TMEM108: variants seen among roughly 807,000 people sequenced by gnomAD.
TMEM108 encodes the protein cancer/testis antigen 124.
In TMEM108, 12 loss-of-function variants were observed where a neutral mutation model predicts 35.1. The observed-to-expected ratio is 0.34, with a 90% confidence interval of 0.22 to 0.55. The LOEUF (loss-of-function observed/expected upper bound fraction) is 0.55. Among genes scored for constraint, TMEM108 ranks in the 20% least tolerant of loss-of-function variants. TMEM108 has a pLI of 0.89. For synonymous variants in TMEM108, 287 were observed against 308.6 expected (o/e 0.93, Z 0.73); for missense variants, 680 against 753.3 (o/e 0.90, Z 1.14).
intron 3 of TMEM108, among the ~76,000 whole-genome samples, chr3:133,342,354 A>G (rs2071681519): frequency 6.6e-6 from 1 of 150,822 alleles, no homozygotes; most frequent in South Asian, 2.1e-4. Flanking sequence ...AAAAATAACT[A>G]AAAGAGTATA....
intron 3 of TMEM108, among the ~76,000 whole-genome samples, chr3:133,308,122 A>G (rs532849892): frequency 6.6e-6 from 1 of 152,220 alleles, no homozygotes; most frequent in Non-Finnish European, 1.5e-5. Flanking sequence ...GTTTGTAGCA[A>G]TTGTGAATGG....
chr3:133,367,206 T>G (rs1325023528), intron 3 of TMEM108, among the ~76,000 whole-genome samples: 1 of 152,188 alleles, frequency 6.6e-6, no homozygotes, highest in Non-Finnish European at 1.5e-5. Context: ...CACACATTCT[T>G]CTTAGACCAT....
chr3:133,302,415 C>CTTTTTTTTTTT (rs927704510), intron 3 of TMEM108, among the ~76,000 whole-genome samples: 74 of 110,080 alleles, frequency 6.7e-4, no homozygotes, highest in East Asian at 4.6e-3. Flanking sequence ...TTCTTTCTTT[C>CTTTTTTTTTTT]TTTTTTTTTT....
At chr3:133,334,706 G>A (rs2071458876) in intron 3 of TMEM108, among the ~76,000 whole-genome samples, 1 of 152,172 alleles carries the variant, frequency 6.6e-6, no homozygotes, top group Admixed American at 6.5e-5. Context: ...ATGACCAGGA[G>A]CCCTTAAAGT....
intron 3 of TMEM108, among the ~76,000 whole-genome samples, chr3:133,288,997 A>G (rs552518236): frequency 1.3e-5 from 2 of 152,152 alleles, no homozygotes; most frequent in Non-Finnish European, 2.9e-5. Flanking sequence ...CGGCCTCCCA[A>G]AGTGCTGGGA....
chr3:133,114,276 T>C (rs1419735983), intron 2 of TMEM108, among the ~76,000 whole-genome samples: 1 of 152,198 alleles, frequency 6.6e-6, no homozygotes, highest in Non-Finnish European at 1.5e-5. Flanking sequence ...TAGGAAATTT[T>C]GTTTTAATTC....
chr3:133,282,835 TA>T (rs1256666655), intron 3 of TMEM108, among the ~76,000 whole-genome samples: 1 of 151,538 alleles, frequency 6.6e-6, no homozygotes, highest in Non-Finnish European at 1.5e-5. Flanking sequence ...TATTTGATTT[TA>T]AAAAAAAAGT....
intron 2 of TMEM108, among the ~76,000 whole-genome samples, chr3:133,172,955 G>A (rs1945152565): frequency 6.6e-6 from 1 of 152,126 alleles, no homozygotes; most frequent in Non-Finnish European, 1.5e-5. Context: ...CAGGTAAGAC[G>A]TGACTTGCTC....
chr3:133,322,718 A>T (rs1030500464), intron 3 of TMEM108, among the ~76,000 whole-genome samples: 1 of 152,148 alleles, frequency 6.6e-6, no homozygotes, highest in Non-Finnish European at 1.5e-5. Context: ...ATAACAAAAA[A>T]GAAAACTACA....
chr3:133,192,665 A>G (rs1945515990), intron 2 of TMEM108: 1 of 152,438 alleles, frequency 6.6e-6, no homozygotes. Context: ...TGAAGGAAAC[A>G]TGTTTGAATC....
intron 2 of TMEM108, among the ~76,000 whole-genome samples, chr3:133,192,614 G>T (rs1365304996): frequency 6.6e-6 from 1 of 152,122 alleles, no homozygotes; most frequent in Admixed American, 6.6e-5. Flanking sequence ...GCTAGCTAGG[G>T]AGGAATTACA....
rs112887560 is a variant in TMEM108, at chr3:133,297,767, C to T, written c.40+68416C>T. 1.3e-4 allele frequency among the ~76,000 whole-genome samples: 20 copies of T among 152,266 alleles called. 1 individual carries two copies. Among genetic ancestry groups the T allele is most frequent in the African/African-American group, 4.3e-4 (18 of 41,540 alleles). ...GTGGGGACCACATGAACACAGAGGG[C>T]GCACACTGCTGTATTCATGTTGCTT... On this transcript the variant is annotated intron_variant, in intron 3 of 5. Coordinates refer to ENST00000321871, the MANE Select transcript of TMEM108 (RefSeq NM_023943.4).
intron 2 of TMEM108, among the ~76,000 whole-genome samples, chr3:133,073,510 C>CTCTCTCTCTCTCTATA: frequency 0.01 from 441 of 43,804 alleles, 2 homozygotes; most frequent in Non-Finnish European, 0.013. Flanking sequence ...CTCTCTCTCT[C>CTCTCTCTCTCTCTATA]TATATATATA....
chr3:133,134,063 CAG>C (rs1316909993), intron 2 of TMEM108, among the ~76,000 whole-genome samples: 1 of 151,862 alleles, frequency 6.6e-6, no homozygotes, highest in African/African-American at 2.4e-5. Flanking sequence ...CTCCCTGCCT[CAG>C]AGTTTTCTTT....
chr3:133,258,942 T>G (rs1328826293), intron 3 of TMEM108, among the ~76,000 whole-genome samples: 2 of 152,216 alleles, frequency 1.3e-5, no homozygotes, highest in African/African-American at 2.4e-5. Context: ...TGAAAATAAT[T>G]GCTTTTGTTT....
At chr3:133,187,595 CA>C (rs1184911901) in intron 2 of TMEM108, among the ~76,000 whole-genome samples, 1 of 152,106 alleles carries the variant, frequency 6.6e-6, no homozygotes, top group East Asian at 1.9e-4. Flanking sequence ...ACTAAAAATA[CA>C]AAAATTAGCT....
chr3:133,372,480 T>C (rs145767222), intron 3 of TMEM108, among the ~76,000 whole-genome samples: 569 of 152,336 alleles, frequency 3.7e-3, no homozygotes, highest in Non-Finnish European at 6.1e-3. Context: ...TTTGTTCATA[T>C]GTTTTTTAGG....
chr3:133,063,786 G>A (rs939684120), intron 2 of TMEM108, among the ~76,000 whole-genome samples: 21 of 152,076 alleles, frequency 1.4e-4, no homozygotes, highest in Admixed American at 1.4e-3. Flanking sequence ...TGCTTGAGGG[G>A]GTGGTCTTAT....
chr3:133,111,904 G>C (rs924446997), intron 2 of TMEM108, among the ~76,000 whole-genome samples: 10 of 152,136 alleles, frequency 6.6e-5, no homozygotes, highest in African/African-American at 2.4e-4. Flanking sequence ...TTCTATAAAG[G>C]AGATCAGGGC....
Sources: allele counts gnomAD v4.1 joint callset (sites outside exome capture counted in the v4.1 genomes callset), GRCh38; gene constraint gnomAD v4.1.1; transcripts MANE v1.5; gene names NCBI Gene and HGNC (gene_info 2026-07-23, HGNC 2026-07-21).